Variants in HS3ST4 observed in about 807,000 individuals in gnomAD.
HS3ST4 encodes heparan sulfate glucosamine 3-O-sulfotransferase 4.
A neutral mutation model predicts 29.2 loss-of-function variants in HS3ST4; 17 were observed. The ratio of observed to expected loss-of-function variants is 0.58; its 90% CI spans 0.40 to 0.87. The LOEUF is 0.87. Among genes scored for constraint, HS3ST4 ranks in the 40% least tolerant of loss-of-function variants. The pLI is 0.00. For synonymous variants in HS3ST4, 314 were observed against 285.7 expected (o/e 1.10, Z -1.00); for missense variants, 627 against 634.5 (o/e 0.99, Z 0.13).
intron 1 of HS3ST4, among the ~76,000 whole-genome samples, chr16:25,948,485 A>G (rs1426666819): frequency 6.6e-6 from 1 of 152,044 alleles, no homozygotes; most frequent in South Asian, 2.1e-4. Flanking sequence ...CTTCATGTAT[A>G]AATTCCAGTC....
rs1966864044 is a variant in HS3ST4 at position 25,789,456 on chromosome 16, TTC to T, written c.734+96306_734+96307del. Among the ~76,000 whole-genome samples the T allele has an allele frequency of 5.4e-5, 3 of 55,272 alleles. No homozygotes were observed. In the East Asian group the frequency reaches 1.2e-3, roughly 21 times the overall value. 36.3% of individuals were successfully genotyped at this position (55,272 alleles called of 152,430 possible). On this transcript the variant is annotated intron_variant, in intron 1 of 1. Coordinates refer to ENST00000331351, the MANE Select transcript of HS3ST4 (RefSeq NM_006040.3). ...CTTCCTTCCTTCCTTCCTTCCTTCC[TTC>T]CTTCCTTCCTTCTTTCTTTCTTTCT...
intron 1 of HS3ST4, among the ~76,000 whole-genome samples, chr16:25,815,475 C>A: frequency 6.6e-6 from 1 of 152,096 alleles, no homozygotes; most frequent in East Asian, 1.9e-4. Context: ...AGGCATGTGC[C>A]ACCATGCCCA....
chr16:25,881,328 T>C (rs1474457519), intron 1 of HS3ST4, among the ~76,000 whole-genome samples: 1 of 152,186 alleles, frequency 6.6e-6, no homozygotes, highest in Non-Finnish European at 1.5e-5. Flanking sequence ...ACTCAACTCT[T>C]TAGAATTTCA....
intron 1 of HS3ST4, among the ~76,000 whole-genome samples, chr16:26,113,470 A>ATGTG (rs55722050): frequency 0.069 from 9,090 of 132,052 alleles, 526 homozygotes; most frequent in African/African-American, 0.15. Flanking sequence ...ACAATATATG[A>ATGTG]TGTGTGTGTG....
chr16:26,030,350 G>A (rs192578060), intron 1 of HS3ST4, among the ~76,000 whole-genome samples: 1 of 152,338 alleles, frequency 6.6e-6, no homozygotes, highest in Admixed American at 6.5e-5. Flanking sequence ...AGGCTGCAGT[G>A]AGCTATGATT....
intron 1 of HS3ST4, among the ~76,000 whole-genome samples, chr16:25,894,224 G>T (rs898815960): frequency 3.9e-5 from 6 of 152,130 alleles, no homozygotes; most frequent in Admixed American, 2.0e-4. Context: ...TTCTGTGAAG[G>T]GGGCAGGGAG....
intron 1 of HS3ST4, among the ~76,000 whole-genome samples, chr16:26,131,534 T>C (rs927954000): frequency 6.6e-6 from 1 of 152,140 alleles, no homozygotes; most frequent in South Asian, 2.1e-4. Flanking sequence ...AAGTGTCAGA[T>C]GCAGTTAAAA....
chr16:25,836,104 C>T (rs563909284), intron 1 of HS3ST4, among the ~76,000 whole-genome samples: 10 of 152,248 alleles, frequency 6.6e-5, no homozygotes, highest in South Asian at 2.1e-4. Context: ...GCCTACAAAA[C>T]GGAAGGGCAT....
At chr16:26,084,893 A>T (rs1300794333) in intron 1 of HS3ST4, among the ~76,000 whole-genome samples, 1 of 152,098 alleles carries the variant, frequency 6.6e-6, no homozygotes. Flanking sequence ...TTCAGGCATG[A>T]GCCATCACAC....
intron 1 of HS3ST4, among the ~76,000 whole-genome samples, chr16:25,875,776 T>C (rs1967824797): frequency 6.6e-6 from 1 of 152,236 alleles, no homozygotes. Context: ...CCATGGGTCA[T>C]ACAGTCTGTG....
chr16:25,789,460 TTCCTTCC>T (rs761544893), intron 1 of HS3ST4, among the ~76,000 whole-genome samples: 9,907 of 37,774 alleles, frequency 0.26, 503 homozygotes, highest in African/African-American at 0.33. Context: ...CCTTCCTTCC[TTCCTTCC>T]TTCTTTCTTT....
intron 1 of HS3ST4, among the ~76,000 whole-genome samples, chr16:25,962,831 C>G (rs1032390241): frequency 6.6e-5 from 10 of 152,154 alleles, no homozygotes; most frequent in African/African-American, 2.4e-4. Flanking sequence ...CACCAAGAGT[C>G]TCTCATGTAC....
chr16:26,039,354 G>A (rs530950142), intron 1 of HS3ST4, among the ~76,000 whole-genome samples: 1 of 152,250 alleles, frequency 6.6e-6, no homozygotes, highest in African/African-American at 2.4e-5. Context: ...TGTTTTGAGT[G>A]TGTGTATGTG....
chr16:25,960,597 G>A (rs1040741890), intron 1 of HS3ST4, among the ~76,000 whole-genome samples: 3 of 152,092 alleles, frequency 2.0e-5, no homozygotes, highest in Admixed American at 6.5e-5. Flanking sequence ...AAATTCTTTG[G>A]GGTTTGAAAT....
At chr16:26,094,439 A>G (rs1234990473) in intron 1 of HS3ST4, among the ~76,000 whole-genome samples, 1 of 152,198 alleles carries the variant, frequency 6.6e-6, no homozygotes, top group African/African-American at 2.4e-5. Flanking sequence ...TACAAGCCAG[A>G]AGAGAGTGGG....
At chr16:25,868,120 C>T (rs11640970) in intron 1 of HS3ST4, among the ~76,000 whole-genome samples, 41,714 of 151,858 alleles carry the variant, frequency 0.27, 6,153 homozygotes, top group East Asian at 0.45. Context: ...AATCTGCCCG[C>T]CTTGCTTGTC....
At position 26,130,908 on chromosome 16, in the gene HS3ST4, G is replaced by A. The variant is rs571260360; in HGVS notation, c.735-4704G>A. ...ACATGATTACTCAATCCCTCCACCT[G>A]GGTATGTAGGACATATCTCATATTA... On this transcript the variant is annotated intron_variant, in intron 1 of 1. Transcript: ENST00000331351. 1.4e-4 allele frequency among the ~76,000 whole-genome samples: 21 copies of A among 152,260 alleles called. 1 individual carries two copies. The South Asian group carries it at 4.1e-3, about 30-fold the overall frequency.
chr16:25,803,317 A>G (rs1966958506), intron 1 of HS3ST4, among the ~76,000 whole-genome samples: 1 of 152,194 alleles, frequency 6.6e-6, no homozygotes, highest in South Asian at 2.1e-4. Context: ...AAAAACTGAG[A>G]CAATTTTCTT....
intron 1 of HS3ST4, among the ~76,000 whole-genome samples, chr16:26,021,514 T>C (rs894663726): frequency 3.3e-5 from 5 of 152,160 alleles, no homozygotes; most frequent in Admixed American, 2.0e-4. Flanking sequence ...CTGAAAAAGA[T>C]AGGATGTGGT....
Sources: allele counts gnomAD v4.1 joint callset (sites outside exome capture counted in the v4.1 genomes callset), GRCh38; gene constraint gnomAD v4.1.1; transcripts MANE v1.5; gene names NCBI Gene and HGNC (gene_info 2026-07-23, HGNC 2026-07-21).